The following NRXN3 variants were observed in gnomAD, a reference collection of about 807,000 sequenced individuals.
NRXN3 encodes the protein neurexin 3.
NRXN3 carries 32 observed loss-of-function variants against 137.6 expected under a neutral mutation model. The ratio of observed to expected loss-of-function variants is 0.23; its 90% CI spans 0.18 to 0.31. The LOEUF (loss-of-function observed/expected upper bound fraction) is 0.31, where lower values mean the gene tolerates loss of function less well. Ranked by LOEUF, NRXN3 falls within the 10% of genes least tolerant of loss-of-function variation. The pLI is 1.00. For missense variants in NRXN3, 1,574 were observed against 2,062.5 expected, an observed-to-expected ratio of 0.76 and a Z score of 4.59; for synonymous variants, 798 against 784.5, an observed-to-expected ratio of 1.02 and a Z score of -0.29.
intron 4 of NRXN3, among the ~76,000 whole-genome samples, chr14:78,356,504 A>G (rs1363940350): frequency 6.6e-6 from 1 of 152,176 alleles, no homozygotes; most frequent in African/African-American, 2.4e-5. Flanking sequence ...CCACCTTTGA[A>G]TTCTCTGCTT....
chr14:78,659,356 C>CT (rs1019089377), intron 6 of NRXN3, among the ~76,000 whole-genome samples: 9 of 151,904 alleles, frequency 5.9e-5, no homozygotes, highest in African/African-American at 2.2e-4. Flanking sequence ...AATTATAGAG[C>CT]TTTTTTATGG....
intron 15 of NRXN3, among the ~76,000 whole-genome samples, chr14:79,330,140 G>C (rs1162859158): frequency 1.3e-5 from 2 of 151,988 alleles, no homozygotes; most frequent in African/African-American, 4.8e-5. Context: ...CATCAAAAGA[G>C]ATTTTTAGTG....
chr14:78,821,324 A>G (rs1353698629), intron 10 of NRXN3, among the ~76,000 whole-genome samples: 1 of 152,116 alleles, frequency 6.6e-6, no homozygotes, highest in Non-Finnish European at 1.5e-5. Flanking sequence ...CCAGTATAAT[A>G]AAAAGTAATA....
intron 4 of NRXN3, among the ~76,000 whole-genome samples, chr14:78,360,030 C>G (rs977070300): frequency 6.6e-6 from 1 of 152,190 alleles, no homozygotes; most frequent in Non-Finnish European, 1.5e-5. Flanking sequence ...GTTTTAGGAA[C>G]AGGAGCTGCC....
At chr14:79,506,112 G>A (rs1186232649) in intron 16 of NRXN3, among the ~76,000 whole-genome samples, 1 of 152,148 alleles carries the variant, frequency 6.6e-6, no homozygotes, top group African/African-American at 2.4e-5. Flanking sequence ...TAGCCAGATG[G>A]TCTTATATAA....
intron 19 of NRXN3, among the ~76,000 whole-genome samples, chr14:79,742,465 A>G (rs2098966292): frequency 1.3e-5 from 2 of 151,968 alleles, no homozygotes; most frequent in Admixed American, 6.6e-5. Flanking sequence ...TCCCTATTTT[A>G]GTGTTTAACC....
chr14:79,252,193 AG>A (rs1261171375), intron 15 of NRXN3, among the ~76,000 whole-genome samples: 1 of 152,114 alleles, frequency 6.6e-6, no homozygotes, highest in Non-Finnish European at 1.5e-5. Flanking sequence ...ACCTCTTTCA[AG>A]GGTGGTGTAT....
intron 14 of NRXN3, among the ~76,000 whole-genome samples, chr14:78,973,584 G>A (rs2099452169): frequency 6.6e-6 from 1 of 152,146 alleles, no homozygotes; most frequent in African/African-American, 2.4e-5. Flanking sequence ...AAGATGATCT[G>A]TCATTTTAAT....
chr14:78,216,503 G>C (rs2063296143), intron 1 of NRXN3, among the ~76,000 whole-genome samples: 1 of 152,190 alleles, frequency 6.6e-6, no homozygotes, highest in African/African-American at 2.4e-5. Context: ...GAAGCTACAG[G>C]GTTTCTTGTT....
chr14:78,280,835 A>G (rs965335636), intron 3 of NRXN3, among the ~76,000 whole-genome samples: 1 of 152,152 alleles, frequency 6.6e-6, no homozygotes, highest in African/African-American at 2.4e-5. Flanking sequence ...AACAGCAACT[A>G]TGACCAGCCT....
chr14:78,605,296 A>G (rs1232958277), intron 4 of NRXN3, among the ~76,000 whole-genome samples: 2 of 152,342 alleles, frequency 1.3e-5, no homozygotes, highest in African/African-American at 4.8e-5. Context: ...ATCTAACTGT[A>G]TAAGTTAAAG....
chr14:79,826,280 G>A (rs541446707), intron 20 of NRXN3, among the ~76,000 whole-genome samples: 9 of 152,180 alleles, frequency 5.9e-5, no homozygotes, highest in East Asian at 1.9e-4. Flanking sequence ...GGCATGAGCC[G>A]CTGTGCCCAA....
In NRXN3 at chr14:79,724,180, G is replaced by A. The variant is rs531837566; in HGVS notation, c.4014+26243G>A. Among the ~76,000 whole-genome samples, 10 of 152,102 alleles carry A rather than the reference G, an allele frequency of 6.6e-5. No homozygotes were observed. In the South Asian group the frequency reaches 1.0e-3, roughly 16 times the overall value. ...GCTCAGCTTTTACACAGGGTACGCC[G>A]GCACACAAGTGTGACCTGGTCCTTA... On this transcript the variant is annotated intron_variant, in intron 19 of 20. Coordinates refer to ENST00000335750, the MANE Select transcript of NRXN3 (RefSeq NM_001330195.2).
chr14:79,206,763 C>T (rs1305126873), intron 15 of NRXN3, among the ~76,000 whole-genome samples: 2 of 151,984 alleles, frequency 1.3e-5, no homozygotes, highest in African/African-American at 2.4e-5. Context: ...CATTGAAGAG[C>T]GTTCAATTTT....
At chr14:79,348,378 C>CTCTCTCTTTTTTTTTTTTTTTTT (rs535595782) in intron 15 of NRXN3, among the ~76,000 whole-genome samples, 1 of 135,974 alleles carries the variant, frequency 7.4e-6, no homozygotes, top group African/African-American at 2.9e-5. Flanking sequence ...AATCTTCTCT[C>CTCTCTCTTTTTTTTTTTTTTTTT]TTTTTTTTTT....
At chr14:79,520,173 A>G (rs573551522) in intron 16 of NRXN3, among the ~76,000 whole-genome samples, 1 of 152,202 alleles carries the variant, frequency 6.6e-6, no homozygotes, top group East Asian at 1.9e-4. Context: ...AAACCTGAAT[A>G]CCACTTTCTC....
At chr14:78,379,052 A>T (rs1209705578) in intron 4 of NRXN3, among the ~76,000 whole-genome samples, 2 of 146,528 alleles carry the variant, frequency 1.4e-5, no homozygotes, top group African/African-American at 2.5e-5. Flanking sequence ...AAAAAAAAAA[A>T]TCTACCGCAA....
At chr14:78,961,623 C>G (rs182583903) in intron 11 of NRXN3, among the ~76,000 whole-genome samples, 1 of 152,276 alleles carries the variant, frequency 6.6e-6, no homozygotes, top group African/African-American at 2.4e-5. Context: ...TGTGTTGATA[C>G]GTTTAACCCT....
intron 4 of NRXN3, among the ~76,000 whole-genome samples, chr14:78,599,503 A>G (rs1471802515): frequency 6.6e-6 from 1 of 152,232 alleles, no homozygotes; most frequent in Non-Finnish European, 1.5e-5. Flanking sequence ...TCAGCGTTAC[A>G]TAGATAGTTC....
Sources: allele counts gnomAD v4.1 joint callset (sites outside exome capture counted in the v4.1 genomes callset), GRCh38; gene constraint gnomAD v4.1.1; transcripts MANE v1.5; gene names NCBI Gene and HGNC (gene_info 2026-07-23, HGNC 2026-07-21).